Variants in GRM5 observed in about 807,000 individuals in gnomAD.
GRM5 encodes metabotropic glutamate receptor 5.
A neutral mutation model predicts 83.1 loss-of-function variants in GRM5; 19 were observed. That is an observed-to-expected ratio of 0.23 (90% CI 0.16 to 0.34). The LOEUF is 0.34. Ranked by LOEUF, GRM5 falls within the 10% of genes least tolerant of loss-of-function variation. The probability of loss-of-function intolerance (pLI) is 1.00; values close to 1 mark genes in which losing one functional copy is unlikely to be tolerated. For missense variants in GRM5, 1,160 were observed against 1,588.3 expected (o/e 0.73, Z 4.58); for synonymous variants, 675 against 633.6 (o/e 1.07, Z -0.98).
At chr11:88,581,538 T>G (rs942638708) in intron 7 of GRM5, among the ~76,000 whole-genome samples, 2 of 152,244 alleles carry the variant, frequency 1.3e-5, no homozygotes, top group African/African-American at 4.8e-5. Context: ...TGGTATTTTA[T>G]GCAGCACAAA....
chr11:88,818,122 C>G (rs1943723140), intron 3 of GRM5, among the ~76,000 whole-genome samples: 1 of 151,874 alleles, frequency 6.6e-6, no homozygotes, highest in South Asian at 2.1e-4. Flanking sequence ...AAATCTACCT[C>G]TATTATAAAA....
chr11:88,803,522 T>C (rs1316180006), intron 3 of GRM5, among the ~76,000 whole-genome samples: 4 of 152,128 alleles, frequency 2.6e-5, no homozygotes, highest in Non-Finnish European at 5.9e-5. Flanking sequence ...TTACACCTTA[T>C]ACAAAAATTA....
intron 2 of GRM5, among the ~76,000 whole-genome samples, chr11:88,978,098 A>G (rs921010876): frequency 6.6e-6 from 1 of 152,154 alleles, no homozygotes; most frequent in Non-Finnish European, 1.5e-5. Context: ...CTTCCTCACA[A>G]TTAGCCTGCT....
chr11:88,590,626 C>G lies in GRM5; in HGVS notation c.1665G>C (p.Gly555=). ...DEYTCKACQL[G]SWPTDDLTGC... is the part of the protein sequence containing the mutation. ...CTGTGAGATCATCAGTGGGCCAAGACCCCAGTTGGCATGCCTTGCATGTGT... is the reference window on the plus strand; with the variant it reads ...CTGTGAGATCATCAGTGGGCCAAGAGCCCAGTTGGCATGCCTTGCATGTGT... Residue 555 remains glycine, a synonymous_variant, in exon 7 of 10, where the codon GGG becomes GGC. Transcript: ENST00000305447. 6.2e-7 allele frequency: 1 copy of G among 1,610,642 alleles called. No individual in the cohort carries two copies. Among genetic ancestry groups the G allele is most frequent in the Middle Eastern group, 1.7e-4 (1 of 6,056 alleles).
chr11:88,955,052 C>T (rs562568200), intron 2 of GRM5, among the ~76,000 whole-genome samples: 77 of 152,246 alleles, frequency 5.1e-4, no homozygotes, highest in East Asian at 7.7e-4. Context: ...GCCTGTCCAA[C>T]GCTTTCACGT....
In GRM5 at chr11:88,618,090, A is replaced by T. The variant is rs574249115; in HGVS notation, c.1148-13126T>A. On this transcript the variant is annotated intron_variant, in intron 4 of 9. Transcript: ENST00000305447. ...AAAGACTGACCACTCAATGAGGCAT[A>T]TGTTTGATAAACTTTGATAGCACTG... Among the ~76,000 whole-genome samples, 4 of 152,220 alleles carry T rather than the reference A, an allele frequency of 2.6e-5. No individual in the cohort carries two copies. In the South Asian group the frequency reaches 8.3e-4, roughly 31 times the overall value.
intron 3 of GRM5, among the ~76,000 whole-genome samples, chr11:88,840,390 A>C (rs1944175900): frequency 6.6e-6 from 1 of 152,086 alleles, no homozygotes; most frequent in Admixed American, 6.5e-5. Context: ...ATCTCCATCA[A>C]AGTCATCTTC....
chr11:88,906,783 T>G (rs476690), intron 2 of GRM5, among the ~76,000 whole-genome samples: 1 of 152,128 alleles, frequency 6.6e-6, no homozygotes, highest in Non-Finnish European at 1.5e-5. Context: ...TGCTAAAAAT[T>G]GAGTAAATAA....
intron 3 of GRM5, among the ~76,000 whole-genome samples, chr11:88,701,096 C>T (rs1021959490): frequency 6.6e-6 from 1 of 152,114 alleles, no homozygotes; most frequent in East Asian, 1.9e-4. Flanking sequence ...ATGCTTCCAG[C>T]AAGGGACACA....
At chr11:88,689,210 C>G (rs1353490306) in intron 3 of GRM5, among the ~76,000 whole-genome samples, 2 of 152,156 alleles carry the variant, frequency 1.3e-5, no homozygotes, top group African/African-American at 4.8e-5. Flanking sequence ...TACCAAATGC[C>G]TGCTCTGTAT....
chr11:88,738,488 G>A (rs1398095651), intron 3 of GRM5, among the ~76,000 whole-genome samples: 1 of 152,070 alleles, frequency 6.6e-6, no homozygotes, highest in Admixed American at 6.6e-5. Flanking sequence ...TCCACCATCT[G>A]CTTCTGCAAA....
At chr11:88,705,609 T>G (rs1941136009) in intron 3 of GRM5, among the ~76,000 whole-genome samples, 1 of 8,172 alleles carries the variant, frequency 1.2e-4, no homozygotes, top group Non-Finnish European at 1.4e-3. Flanking sequence ...GGGTTTTTTG[T>G]TTGTTTTTTT....
At chr11:88,953,743 T>C (rs1938530247) in intron 2 of GRM5, among the ~76,000 whole-genome samples, 1 of 32,116 alleles carries the variant, frequency 3.1e-5, no homozygotes, top group Non-Finnish European at 2.9e-4. Flanking sequence ...TAATTTATGG[T>C]GAAAAAAATC....
intron 8 of GRM5, among the ~76,000 whole-genome samples, chr11:88,536,222 T>G (rs1474655641): frequency 6.6e-6 from 1 of 152,010 alleles, no homozygotes; most frequent in Admixed American, 6.5e-5. Context: ...CTTATACATA[T>G]TTAACAAAAA....
intron 3 of GRM5, among the ~76,000 whole-genome samples, chr11:88,824,637 G>A (rs1161794309): frequency 2.0e-5 from 3 of 152,212 alleles, no homozygotes; most frequent in Middle Eastern, 3.4e-3. Context: ...GGGGTTTTAC[G>A]CTCCTATGAG....
At chr11:88,759,612 C>T (rs951685611) in intron 3 of GRM5, among the ~76,000 whole-genome samples, 20 of 152,040 alleles carry the variant, frequency 1.3e-4, no homozygotes, top group African/African-American at 4.8e-4. Context: ...ACTTAGATTC[C>T]CACACAATAA....
chr11:88,694,091 C>T (rs373624410), intron 3 of GRM5, among the ~76,000 whole-genome samples: 8 of 152,226 alleles, frequency 5.3e-5, no homozygotes, highest in South Asian at 4.2e-4. Context: ...TAATAGTACC[C>T]GTTTCATAGA....
chr11:88,971,311 G>A (rs1243036016), intron 2 of GRM5, among the ~76,000 whole-genome samples: 2 of 151,992 alleles, frequency 1.3e-5, no homozygotes, highest in Non-Finnish European at 1.5e-5. Context: ...AGGTTCACCG[G>A]CACATGTGCG....
intron 3 of GRM5, among the ~76,000 whole-genome samples, chr11:88,802,206 G>A (rs924955728): frequency 1.3e-4 from 20 of 152,200 alleles, no homozygotes; most frequent in African/African-American, 4.8e-4. Flanking sequence ...ACTTCTTCTG[G>A]TGTAGGCTTT....
Sources: allele counts gnomAD v4.1 joint callset (sites outside exome capture counted in the v4.1 genomes callset), GRCh38; gene constraint gnomAD v4.1.1; transcripts MANE v1.5; gene names NCBI Gene and HGNC (gene_info 2026-07-23, HGNC 2026-07-21).